The following THSD7A variants were observed in gnomAD, a reference collection of about 807,000 sequenced individuals.
THSD7A encodes thrombospondin type 1 domain containing 7A.
In THSD7A, 96 loss-of-function variants were observed where a neutral mutation model predicts 231.3. The observed-to-expected ratio is 0.41, with a 90% confidence interval of 0.35 to 0.49. The LOEUF (loss-of-function observed/expected upper bound fraction) is 0.49. Among genes scored for constraint, THSD7A ranks in the 20% least tolerant of loss-of-function variants. The pLI is 0.05. For synonymous variants in THSD7A, 940 were observed against 743.3 expected (o/e 1.26, Z -4.30); for missense variants, 2,290 against 2,070.2 (o/e 1.11, Z -2.06).
At chr7:11,577,318 T>C (rs1459118375) in intron 4 of THSD7A, among the ~76,000 whole-genome samples, 1 of 152,138 alleles carries the variant, frequency 6.6e-6, no homozygotes, top group Non-Finnish European at 1.5e-5. Flanking sequence ...CTCTATTTTA[T>C]TTACTTTTTA....
Position 11,474,417 on chromosome 7 carries a change from A to C in THSD7A, c.2169T>G (p.Asn723Lys), listed in dbSNP as rs1054265431. 4 of 1,613,574 alleles carry C rather than the reference A, an allele frequency of 2.5e-6. No individual in the cohort carries two copies. In the East Asian group the frequency reaches 6.7e-5, roughly 27 times the overall value. Residue 723 changes from asparagine (N) to lysine (K), a missense_variant, in exon 8 of 28, where the codon AAT becomes AAG. Coordinates refer to ENST00000423059, the MANE Select transcript of THSD7A (RefSeq NM_015204.3). This position sits in a 1 kb window ranked among gnomAD's most constrained non-coding sequence, Gnocchi z 4.1. ...TGCCGACAGAGCAGGAGGCCTCCCC[A>C]TTCCAAGTCGTAGTTGTGTTGAAGG... ...VSSFNTTTTW[N>K]GEASCSVGMQ... is the part of the protein sequence containing the mutation.
chr7:11,687,606 G>T (rs536750589), intron 1 of THSD7A, among the ~76,000 whole-genome samples: 1 of 151,970 alleles, frequency 6.6e-6, no homozygotes, highest in East Asian at 2.0e-4. Flanking sequence ...GAGTTATTAG[G>T]CTTGAAAGCA....
At chr7:11,498,257 G>A (rs1787187444) in intron 6 of THSD7A, among the ~76,000 whole-genome samples, 1 of 152,200 alleles carries the variant, frequency 6.6e-6, no homozygotes, top group Admixed American at 6.5e-5. Context: ...AGAGAGAGGG[G>A]CGGGCTGCCA....
chr7:11,734,514 T>A (rs1781841895), intron 1 of THSD7A, among the ~76,000 whole-genome samples: 1 of 151,990 alleles, frequency 6.6e-6, no homozygotes. Flanking sequence ...CCTTACGTTT[T>A]CTTGATAATT....
chr7:11,511,632 C>G (rs1787813006), intron 6 of THSD7A, among the ~76,000 whole-genome samples: 1 of 152,136 alleles, frequency 6.6e-6, no homozygotes, highest in Admixed American at 6.6e-5. Context: ...TAATACCACA[C>G]ATCTACAACT....
chr7:11,587,893 A>G (rs546152559), intron 4 of THSD7A, among the ~76,000 whole-genome samples: 10 of 152,218 alleles, frequency 6.6e-5, no homozygotes, highest in Middle Eastern at 6.8e-3. Flanking sequence ...TTTTGAGTTA[A>G]AGTATTTTGT....
chr7:11,661,725 C>G (rs1393691136), intron 1 of THSD7A, among the ~76,000 whole-genome samples: 1 of 150,750 alleles, frequency 6.6e-6, no homozygotes, highest in Non-Finnish European at 1.5e-5. Context: ...AGAAAAATGT[C>G]CAAGAAGATG....
In THSD7A at chr7:11,831,806, A is replaced by G. The variant is rs934929012; in HGVS notation, c.141T>C (p.Ala47=). Residue 47 remains alanine, a synonymous_variant, in exon 1 of 28, where the codon GCT becomes GCC. Transcript: ENST00000423059. This position sits in a 1 kb window ranked among gnomAD's most constrained non-coding sequence, Gnocchi z 5.0. The part of the protein sequence containing the change: ...LLLLRPGAGR[A]AAQGEAEAPT... The stretch of plus-strand genomic sequence containing the variant: ...GCGCCTCCGCCTCGCCCTGCGCCGC[A>G]GCCCTGCCGGCGCCCGGGCGTAGCA... 1 of 1,456,910 alleles carries G rather than the reference A, an allele frequency of 6.9e-7. No homozygotes were observed. Among genetic ancestry groups the G allele is most frequent in the Non-Finnish European group, 9.1e-7 (1 of 1,100,946 alleles). 90.2% of individuals were successfully genotyped at this position (1,456,910 alleles called of 1,614,324 possible).
chr7:11,742,140 C>G (rs1015609894), intron 1 of THSD7A, among the ~76,000 whole-genome samples: 1 of 151,890 alleles, frequency 6.6e-6, no homozygotes, highest in African/African-American at 2.4e-5. Context: ...AATCTTACTA[C>G]TTCTTGCTTA....
At chr7:11,772,709 C>A (rs988607894) in intron 1 of THSD7A, among the ~76,000 whole-genome samples, 19 of 152,096 alleles carry the variant, frequency 1.2e-4, no homozygotes, top group African/African-American at 4.6e-4. Context: ...CTAGGGCCTA[C>A]TTGCCAGGGG....
chr7:11,655,369 T>C (rs1309085986), intron 1 of THSD7A, among the ~76,000 whole-genome samples: 1 of 151,900 alleles, frequency 6.6e-6, no homozygotes, highest in African/African-American at 2.4e-5. Flanking sequence ...TTTAGCAAAG[T>C]TGCTGACTCT....
At position 11,593,245 on chromosome 7, in the gene THSD7A, T is replaced by C; in HGVS notation, c.1271+9A>G. The C allele has an allele frequency of 6.2e-7, 1 of 1,613,538 alleles. No individual in the cohort carries two copies. Among genetic ancestry groups the C allele is most frequent in the Non-Finnish European group, 8.5e-7 (1 of 1,179,788 alleles). ...TCGGCAGACGCTATACCCTTCTTTA[T>C]TTACTCACGTGGCACAGGGGACAAC... On this transcript the variant is annotated intron_variant, in intron 3 of 27. Transcript: ENST00000423059.
At chr7:11,431,106 C>G (rs1386864869) in intron 13 of THSD7A, among the ~76,000 whole-genome samples, 2 of 152,148 alleles carry the variant, frequency 1.3e-5, no homozygotes, top group African/African-American at 4.8e-5. Flanking sequence ...TATACTCCAC[C>G]AGATATGCAC....
chr7:11,635,279 C>A (rs1207503611), intron 2 of THSD7A, among the ~76,000 whole-genome samples: 1 of 152,024 alleles, frequency 6.6e-6, no homozygotes, highest in East Asian at 1.9e-4. Context: ...CAGTTCAATC[C>A]AAATCATAAC....
At chr7:11,470,990 C>T (rs555264762) in intron 8 of THSD7A, among the ~76,000 whole-genome samples, 1 of 151,932 alleles carries the variant, frequency 6.6e-6, no homozygotes, top group South Asian at 2.1e-4. Flanking sequence ...TTGAGCTTAG[C>T]CAAAAGGCTG....
intron 1 of THSD7A, among the ~76,000 whole-genome samples, chr7:11,655,201 G>A (rs1782659083): frequency 6.6e-6 from 1 of 151,556 alleles, no homozygotes; most frequent in Non-Finnish European, 1.5e-5. Context: ...AGTGCTTCTG[G>A]GTTCCATAAA....
intron 1 of THSD7A, among the ~76,000 whole-genome samples, chr7:11,646,091 T>C (rs1782269923): frequency 6.6e-6 from 1 of 152,028 alleles, no homozygotes; most frequent in African/African-American, 2.4e-5. Context: ...AATGTTTCCC[T>C]TTCAAGCTCA....
chr7:11,744,359 G>C (rs1782208625), intron 1 of THSD7A, among the ~76,000 whole-genome samples: 1 of 151,572 alleles, frequency 6.6e-6, no homozygotes, highest in African/African-American at 2.4e-5. Context: ...AGATTTATTT[G>C]TTTTCACTTA....
At chr7:11,441,025 A>G (rs1784787280) in intron 13 of THSD7A, among the ~76,000 whole-genome samples, 1 of 152,034 alleles carries the variant, frequency 6.6e-6, no homozygotes, top group South Asian at 2.1e-4. Context: ...CAGTCACCCC[A>G]AAGTATAGAA....
Sources: gnomAD v4.1 joint callset for allele counts (sites outside exome capture counted in the v4.1 genomes callset) on GRCh38, gnomAD v4.1.1 for gene constraint, Gnocchi (gnomAD v3.1) non-coding constraint, MANE v1.5 for transcripts, NCBI Gene and HGNC (gene_info 2026-07-23, HGNC 2026-07-21) for gene names.